NAA20: variants seen among roughly 807,000 people sequenced by gnomAD.
The protein encoded by NAA20 is N-alpha-acetyltransferase 20.
In NAA20, 24 loss-of-function variants were observed where a neutral mutation model predicts 23.8. The observed-to-expected ratio is 1.01, with a 90% CI of 0.73 to 1.42. The LOEUF is 1.42. NAA20 is among the 40% of genes most tolerant of loss of function. The pLI is 0.00. For missense variants in NAA20, 166 were observed against 223.1 expected, an observed-to-expected ratio of 0.74 and a Z score of 1.63; for synonymous variants, 83 against 77.7, an observed-to-expected ratio of 1.07 and a Z score of -0.36.
At chr20:20,032,288 A>ATGCAAACATAAAGTCATGTTCTTACAC in intron 4 of NAA20, among the ~76,000 whole-genome samples, 1 of 150,572 alleles carries the variant, frequency 6.6e-6, no homozygotes, top group South Asian at 2.1e-4. Context: ...AAATACTAGC[A>ATGCAAACATAAAGTCATGTTCTTACAC]TGCAAACATA....
intron 1 of NAA20, 127 bp downstream of exon 1, chr20:20,017,576 C>A (rs985017379): frequency 2.9e-6 from 4 of 1,356,280 alleles, no homozygotes; most frequent in Non-Finnish European, 1.9e-6. Flanking sequence ...CGAGAACCAC[C>A]CCCCGCCGGC....
At chr20:20,027,268 A>G (rs2043312892) in intron 4 of NAA20, among the ~76,000 whole-genome samples, 1 of 152,244 alleles carries the variant, frequency 6.6e-6, no homozygotes, top group African/African-American at 2.4e-5. Flanking sequence ...ATAAATTTTT[A>G]GCAGTGCTCC....
intron 1 of NAA20, among the ~76,000 whole-genome samples, chr20:20,019,748 C>A (rs1441420029): frequency 6.6e-6 from 1 of 152,142 alleles, no homozygotes; most frequent in Non-Finnish European, 1.5e-5. Flanking sequence ...CCACACCCCA[C>A]TAATTTTTAA....
intron 4 of NAA20, among the ~76,000 whole-genome samples, chr20:20,030,636 TATAA>T (rs2043336560): frequency 1.3e-5 from 2 of 152,088 alleles, no homozygotes; most frequent in Admixed American, 6.5e-5. Flanking sequence ...TCCATAAGAA[TATAA>T]ATATTTAGAA....
intron 1 of NAA20, 188 bp downstream of exon 1, chr20:20,017,637 G>C (rs2043240479): frequency 7.6e-7 from 1 of 1,320,826 alleles, no homozygotes; most frequent in South Asian, 1.6e-5. Flanking sequence ...GGTGGGCCTG[G>C]AGTCGACGCA....
rs778049298 is a variant in NAA20 at position 20,032,489 on chromosome 20, TTTTG to T, written c.306-15_306-12del. Reference sequence around the variant, plus strand: ...TTTCTCACATTCTAACATTTTCCTTTTTTGTTTTTCTTTTAAAGAAAGGGTGGAT... The same window carrying T: ...TTTCTCACATTCTAACATTTTCCTTTTTTTTCTTTTAAAGAAAGGGTGGAT... On this transcript the variant is annotated splice_polypyrimidine_tract_variant and intron_variant, in intron 4 of 5. Coordinates refer to ENST00000334982, the MANE Select transcript of NAA20 (RefSeq NM_016100.5). The T allele has an allele frequency of 8.1e-6, 13 of 1,605,626 alleles. No individual in the cohort carries two copies. The highest frequency in any genetic ancestry group is 1.7e-4 in the Middle Eastern group (1 of 6,000).
intron 2 of NAA20, among the ~76,000 whole-genome samples, chr20:20,023,257 C>T (rs1185133959): frequency 4.7e-5 from 7 of 150,094 alleles, no homozygotes; most frequent in Admixed American, 1.3e-4. Context: ...TGCAGTGAGC[C>T]GAGATCGCGC....
intron 1 of NAA20, chr20:20,018,305 G>T: frequency 1.8e-6 from 1 of 544,900 alleles, no homozygotes; most frequent in South Asian, 2.3e-5. Flanking sequence ...ACTTTTCCTG[G>T]ATTCTGCAGT....
In NAA20 at chr20:20,022,428, C is replaced by T. The variant is rs765815789; in HGVS notation, c.54-28C>T. 4 of 1,585,734 alleles carry T rather than the reference C, an allele frequency of 2.5e-6. No homozygotes were observed. The Admixed American group carries it at 7.4e-5, about 29-fold the overall frequency. The stretch of plus-strand genomic sequence containing the variant: ...AACTGGTTATTGTAAACGCTGCTTA[C>T]TAGAGACATTTCTCTTGTTTCTTTC... On this transcript the variant is annotated intron_variant, in intron 1 of 5. Transcript: ENST00000334982.
chr20:20,030,183 G>C (rs2043333577), intron 4 of NAA20, among the ~76,000 whole-genome samples: 1 of 152,110 alleles, frequency 6.6e-6, no homozygotes, highest in South Asian at 2.1e-4. Flanking sequence ...GCAAAATATG[G>C]GAAAGGAAAA....
At chr20:20,024,959 A>G (rs968569002) in intron 2 of NAA20, among the ~76,000 whole-genome samples, 1 of 152,224 alleles carries the variant, frequency 6.6e-6, no homozygotes, top group African/African-American at 2.4e-5. Flanking sequence ...ATTTTCATCC[A>G]TTAAAGTACA....
At chr20:20,017,316 G>T, upstream of NAA20, 1 of 1,578,624 alleles carries the variant, frequency 6.3e-7, no homozygotes, top group Non-Finnish European at 8.6e-7. Flanking sequence ...GCTCGGTTCC[G>T]CGGCGGCCAC....
At chr20:20,032,465 T>A (rs1169722859) in intron 4 of NAA20, 43 bp from the exon 5 acceptor site, 1 of 1,591,958 alleles carries the variant, frequency 6.3e-7, no homozygotes, top group East Asian at 2.2e-5. Context: ...TTTCTAGGGT[T>A]TCTCACATTC....
chr20:20,017,734 T>C, intron 1 of NAA20: 1 of 1,431,400 alleles, frequency 7.0e-7, no homozygotes, highest in South Asian at 1.5e-5. Flanking sequence ...CGCTCGGGCC[T>C]CCGCTCGTGG....
intron 1 of NAA20, among the ~76,000 whole-genome samples, chr20:20,021,047 G>A (rs1255600128): frequency 1.5e-5 from 2 of 137,092 alleles, no homozygotes; most frequent in East Asian, 2.6e-4. Flanking sequence ...GCGGGGGGGG[G>A]GGGGGACTTT....
intron 4 of NAA20, among the ~76,000 whole-genome samples, chr20:20,029,326 A>G (rs1422282731): frequency 1.3e-5 from 2 of 152,158 alleles, no homozygotes; most frequent in Non-Finnish European, 2.9e-5. Context: ...TTAATCAAGG[A>G]AGTAACAAGT....
intron 1 of NAA20, chr20:20,018,396 A>G: frequency 1.1e-5 from 3 of 279,484 alleles, no homozygotes; most frequent in South Asian, 5.7e-5. Context: ...ACAGGGCGGT[A>G]TGTGAAAACT....
chr20:20,021,683 G>A (rs1026997480), intron 1 of NAA20, among the ~76,000 whole-genome samples: 2 of 152,202 alleles, frequency 1.3e-5, no homozygotes, highest in African/African-American at 4.8e-5. Context: ...CTGGACTACA[G>A]AAATATGATA....
At chr20:20,023,401 T>A (rs2043285666) in intron 2 of NAA20, among the ~76,000 whole-genome samples, 2 of 152,196 alleles carry the variant, frequency 1.3e-5, no homozygotes, top group Admixed American at 1.3e-4. Context: ...ATGCTTCACC[T>A]GTCTACTGAA....
Sources: allele counts gnomAD v4.1 joint callset (sites outside exome capture counted in the v4.1 genomes callset), GRCh38; gene constraint gnomAD v4.1.1; transcripts MANE v1.5; gene names NCBI Gene and HGNC (gene_info 2026-07-23, HGNC 2026-07-21).